KIF13A: variants seen among roughly 807,000 people sequenced by gnomAD.
KIF13A encodes kinesin family member 13A.
Under a neutral mutation model 212.2 loss-of-function variants are expected in KIF13A, and 79 were observed. The ratio of observed to expected loss-of-function variants is 0.37; its 90% CI spans 0.31 to 0.45. The LOEUF (loss-of-function observed/expected upper bound fraction) is 0.45. Ranked by LOEUF, KIF13A falls within the 20% of genes least tolerant of loss-of-function variation. The pLI is 1.00. For synonymous variants in KIF13A, 789 were observed against 808.6 expected, an observed-to-expected ratio of 0.98 and a Z score of 0.41; for missense variants, 1,901 against 2,209.0, an observed-to-expected ratio of 0.86 and a Z score of 2.79.
intron 16 of KIF13A, among the ~76,000 whole-genome samples, chr6:17,824,771 A>C (rs1419983898): frequency 2.0e-5 from 3 of 147,688 alleles, no homozygotes; most frequent in Non-Finnish European, 4.5e-5. Flanking sequence ...AAAAAAAAAA[A>C]AAAAAAAAAC....
Position 17,859,796 on chromosome 6 carries a change from C to T in KIF13A, c.221-3674G>A, listed in dbSNP as rs532101396. Among the ~76,000 whole-genome samples the T allele has an allele frequency of 5.3e-5, 8 of 151,570 alleles. No homozygotes were observed. In the South Asian group the frequency reaches 8.4e-4, roughly 16 times the overall value. On this transcript the variant is annotated intron_variant, in intron 4 of 38. Transcript: ENST00000259711. ...GATTACAGGTATGCAACACCAAGCC[C>T]GGCCAATTTTTTCTATCTTTAGTAG...
At chr6:17,893,701 G>A (rs185667340) in intron 3 of KIF13A, among the ~76,000 whole-genome samples, 30 of 152,180 alleles carry the variant, frequency 2.0e-4, no homozygotes, top group African/African-American at 7.0e-4. Flanking sequence ...TATTACATAG[G>A]ATGTCAGATG....
chr6:17,771,844 T>C lies in KIF13A; in HGVS notation c.4476+64A>G, dbSNP rs1759525400. 1 of 1,526,194 alleles carries C rather than the reference T, an allele frequency of 6.6e-7. No individual in the cohort carries two copies. The highest frequency in any genetic ancestry group is 9.0e-7 in the Non-Finnish European group (1 of 1,106,762). 94.5% of individuals were successfully genotyped at this position (1,526,194 alleles called of 1,614,324 possible). ...CAGCACTCAGCTTGTTAATGCACACTGCTGCTTCACAGGTGACACAACTCT... is the reference window on the plus strand; with the variant it reads ...CAGCACTCAGCTTGTTAATGCACACCGCTGCTTCACAGGTGACACAACTCT... On this transcript the variant is annotated intron_variant, in intron 37 of 38. Transcript: ENST00000259711. The surrounding 1 kb of genome is among the most constrained non-coding windows in gnomAD (Gnocchi z 5.4).
At position 17,775,037 on chromosome 6, in the gene KIF13A, G is replaced by C; in HGVS notation, c.4196C>G (p.Ser1399Cys). 1 of 1,612,210 alleles carries C rather than the reference G, an allele frequency of 6.2e-7. No homozygotes were observed. The highest frequency in any genetic ancestry group is 8.5e-7 in the Non-Finnish European group (1 of 1,179,092). Reference protein sequence around the residue: ...HNVSSSRPDLSGFDEDDKGWP... With the variant: ...HNVSSSRPDLCGFDEDDKGWP... ...TACCTTGTCATCTTCATCAAAGCCA[G>C]AAAGGTCCGGTCGGCTGGAAGAGAC... is the stretch of plus-strand genomic sequence containing the variant. Residue 1399 changes from serine (S) to cysteine (C), a missense_variant, in exon 35 of 39, where the codon TCT becomes TGT. By Grantham distance (112) the Ser-to-Cys change is moderately radical. Transcript: ENST00000259711.
In KIF13A at chr6:17,886,402, A is replaced by G. The variant is rs1771541957; in HGVS notation, c.159+11766T>C. Among the ~76,000 whole-genome samples the G allele has an allele frequency of 6.6e-6, 1 of 152,234 alleles. No homozygotes were observed. The highest frequency in any genetic ancestry group is 6.5e-5 in the Admixed American group (1 of 15,288). ...GCAAACATTTACTCCCAGTTAAGTT[A>G]CGCTGCAAAGGACTGATGAAGAGTT... On this transcript the variant is annotated intron_variant, in intron 3 of 38. Coordinates refer to ENST00000259711, the MANE Select transcript of KIF13A (RefSeq NM_022113.6). The surrounding 1 kb of genome is among the most constrained non-coding windows in gnomAD (Gnocchi z 5.6).
rs757388171 is a variant in KIF13A, at chr6:17,971,904, C to A, written c.146+15150G>T. 6.6e-5 allele frequency among the ~76,000 whole-genome samples: 10 copies of A among 152,066 alleles called. No individual in the cohort carries two copies. Among genetic ancestry groups the A allele is most frequent in the Non-Finnish European group, 1.3e-4 (9 of 68,004 alleles). ...CAAAACTAGTTAAATAATAATCTAG[C>A]TAGAGAGCTTAAAAAAAATGTCCCT... On this transcript the variant is annotated intron_variant, in intron 2 of 38. Coordinates refer to ENST00000259711, the MANE Select transcript of KIF13A (RefSeq NM_022113.6). This position sits in a 1 kb window ranked among gnomAD's most constrained non-coding sequence, Gnocchi z 4.2.
intron 4 of KIF13A, among the ~76,000 whole-genome samples, chr6:17,866,644 A>G (rs964754177): frequency 2.0e-5 from 3 of 151,846 alleles, no homozygotes; most frequent in Non-Finnish European, 4.4e-5. Context: ...TTGGGATTCA[A>G]TGCTCAGGGT....
At position 17,829,011 on chromosome 6, in the gene KIF13A, A is replaced by T. The variant is rs1765205592; in HGVS notation, c.1402-641T>A. Among the ~76,000 whole-genome samples, 1 of 150,776 alleles carries T rather than the reference A, an allele frequency of 6.6e-6. No homozygotes were observed. The highest frequency in any genetic ancestry group is 1.5e-5 in the Non-Finnish European group (1 of 67,914). On this transcript the variant is annotated intron_variant, in intron 13 of 38. Transcript: ENST00000259711. The surrounding 1 kb of genome is among the most constrained non-coding windows in gnomAD (Gnocchi z 5.4). ...CACCCAGGCTGGAGTGCAGTGGTGC[A>T]ATCTCAGCTCATTGCAACCTCTGCC...
At chr6:17,936,766 C>A (rs370684528) in intron 2 of KIF13A, among the ~76,000 whole-genome samples, 2 of 151,606 alleles carry the variant, frequency 1.3e-5, no homozygotes, top group East Asian at 3.9e-4. Context: ...TACAAACATT[C>A]AAAAAAATGT....
chr6:17,802,582 AC>A (rs1762561293), intron 20 of KIF13A, among the ~76,000 whole-genome samples: 1 of 150,680 alleles, frequency 6.6e-6, no homozygotes, highest in Non-Finnish European at 1.5e-5. Flanking sequence ...GAGCCACCAC[AC>A]CCGGCCAAGC....
Position 17,837,515 on chromosome 6 carries a change from T to C in KIF13A, c.899A>G (p.Lys300Arg). The C allele has an allele frequency of 6.2e-7, 1 of 1,609,622 alleles. No individual in the cohort carries two copies. The highest frequency in any genetic ancestry group is 8.5e-7 in the Non-Finnish European group (1 of 1,177,928). Residue 300 changes from lysine (K) to arginine (R), a missense_variant, in exon 10 of 39, where the codon AAA becomes AGA. This residue lies in a region of KIF13A where 506 missense variants were observed against 637.4 expected (regional missense o/e 0.79). Transcript: ENST00000259711. The surrounding 1 kb of genome is among the most constrained non-coding windows in gnomAD (Gnocchi z 5.4). ...ADQAAGKGKS[K>R]FVPYRDSVLT... Reference sequence around the variant, plus strand: ...GACTGAATCTCGATAAGGCACAAATTTGCTTTTACCCTTGCCAGCTGCCTG... The same window carrying C: ...GACTGAATCTCGATAAGGCACAAATCTGCTTTTACCCTTGCCAGCTGCCTG...
intron 9 of KIF13A, among the ~76,000 whole-genome samples, chr6:17,847,526 C>T (rs1767194000): frequency 6.6e-6 from 1 of 152,208 alleles, no homozygotes; most frequent in Non-Finnish European, 1.5e-5. Context: ...AATGTGTTAA[C>T]ATCATCTTAA....
chr6:17,972,330 G>C (rs911823863), intron 2 of KIF13A, among the ~76,000 whole-genome samples: 3 of 152,164 alleles, frequency 2.0e-5, no homozygotes, highest in African/African-American at 7.2e-5. Context: ...TTAATTAACT[G>C]TATGAATAGA....
At chr6:17,807,722 T>C (rs1358410673) in intron 18 of KIF13A, among the ~76,000 whole-genome samples, 1 of 144,896 alleles carries the variant, frequency 6.9e-6, no homozygotes, top group Non-Finnish European at 1.6e-5. Context: ...CTCCTCCCCT[T>C]TTGAAACCCT....
intron 9 of KIF13A, among the ~76,000 whole-genome samples, chr6:17,844,337 A>G (rs1002437574): frequency 2.0e-5 from 3 of 152,206 alleles, no homozygotes; most frequent in Non-Finnish European, 4.4e-5. Context: ...GTGGTAGAAC[A>G]ATAGAGTACA....
In KIF13A at chr6:17,813,633, C is replaced by T. The variant is rs77505627; in HGVS notation, c.2000+3387G>A. On this transcript the variant is annotated intron_variant, in intron 17 of 38. Transcript: ENST00000259711. ...AAGTGCGTGACTGTTGCGAGCCTTG[C>T]GCTGCAGGGCAGGGTTCCCTTTTCT... is the stretch of plus-strand genomic sequence containing the variant. Among the ~76,000 whole-genome samples, 12 of 151,976 alleles carry T rather than the reference C, an allele frequency of 7.9e-5. No individual in the cohort carries two copies. In the East Asian group the frequency reaches 9.6e-4, roughly 12 times the overall value.
At chr6:17,868,911 T>C (rs1276300087) in intron 4 of KIF13A, among the ~76,000 whole-genome samples, 2 of 136,496 alleles carry the variant, frequency 1.5e-5, no homozygotes, top group Non-Finnish European at 3.0e-5. Flanking sequence ...GGAGAATCGC[T>C]TGAACCCAAG....
intron 2 of KIF13A, among the ~76,000 whole-genome samples, chr6:17,928,144 C>T (rs1775657941): frequency 6.6e-6 from 1 of 152,220 alleles, no homozygotes; most frequent in Admixed American, 6.5e-5. Context: ...AAACTGAAGT[C>T]TGTGAAGCTA....
intron 3 of KIF13A, among the ~76,000 whole-genome samples, chr6:17,876,445 T>C (rs1349629730): frequency 6.6e-6 from 1 of 152,168 alleles, no homozygotes; most frequent in Non-Finnish European, 1.5e-5. Context: ...AAATACGTCA[T>C]ACCCCTTAAG....
Sources: gnomAD v4.1 joint callset for allele counts (sites outside exome capture counted in the v4.1 genomes callset) on GRCh38, gnomAD v4.1.1 for gene constraint, gnomAD v4.1.1 regional missense constraint, Gnocchi (gnomAD v3.1) non-coding constraint, MANE v1.5 for transcripts, NCBI Gene and HGNC (gene_info 2026-07-23, HGNC 2026-07-21) for gene names.